Variants in DROSHA observed in about 807,000 individuals in gnomAD.
DROSHA encodes ribonuclease 3.
In DROSHA, 56 loss-of-function variants were observed where a neutral mutation model predicts 181.9. That is an observed-to-expected ratio of 0.31 (90% CI 0.25 to 0.38). The LOEUF is 0.38. DROSHA is among the 10% of genes least tolerant of loss of function. The pLI is 1.00. For missense variants in DROSHA, 1,218 were observed against 1,743.5 expected (o/e 0.70, Z 5.37); for synonymous variants, 524 against 591.2 (o/e 0.89, Z 1.65).
At position 31,424,411 on chromosome 5, in the gene DROSHA, G is replaced by C. The variant is rs927967183; in HGVS notation, c.3261+16C>G. 6.3e-7 allele frequency: 1 copy of C among 1,595,688 alleles called. No individual in the cohort carries two copies. The highest frequency in any genetic ancestry group is 8.5e-7 in the Non-Finnish European group (1 of 1,170,962). On this transcript the variant is annotated intron_variant, in intron 28 of 35. Transcript: ENST00000344624. ...GGAGTTATAAAGCTCACTGCAGACA[G>C]GGAGGTCATACTTACTTGGAGTGGG...
At chr5:31,422,108 A>G (rs1345935778) in intron 29 of DROSHA, among the ~76,000 whole-genome samples, 1 of 150,822 alleles carries the variant, frequency 6.6e-6, no homozygotes, top group Admixed American at 6.6e-5. Flanking sequence ...AAAGAAAGAA[A>G]GAAAGAAAAA....
intron 15 of DROSHA, among the ~76,000 whole-genome samples, chr5:31,484,491 G>A (rs114526783): frequency 7.5e-4 from 10 of 13,254 alleles, no homozygotes; most frequent in Non-Finnish European, 2.0e-3. Context: ...CACTCTAAGT[G>A]TCTGCGTGTG....
chr5:31,510,025 G>C (rs1165351802), intron 9 of DROSHA, among the ~76,000 whole-genome samples: 2 of 127,190 alleles, frequency 1.6e-5, no homozygotes, highest in African/African-American at 3.0e-5. Context: ...GGTAAATTTT[G>C]TATTACTTAT....
At chr5:31,407,059 C>A in intron 33 of DROSHA, 114 bp from the exon 34 acceptor site, 1 of 706,988 alleles carries the variant, frequency 1.4e-6, no homozygotes, top group Non-Finnish European at 2.1e-6. Flanking sequence ...AGTAAAATAA[C>A]AGGAAATGTG....
intron 21 of DROSHA, among the ~76,000 whole-genome samples, chr5:31,451,138 G>A (rs1746967621): frequency 6.6e-6 from 1 of 152,080 alleles, no homozygotes; most frequent in Non-Finnish European, 1.5e-5. Context: ...GGAGGCGGAG[G>A]TTGCAGTGGG....
chr5:31,435,678 G>A (rs1328557632), intron 25 of DROSHA, 87 bp downstream of exon 25: 6 of 1,181,432 alleles, frequency 5.1e-6, no homozygotes, highest in East Asian at 2.4e-5. Context: ...ATATCCTAAC[G>A]AGTTACTTAT....
chr5:31,484,927 C>T lies in DROSHA; in HGVS notation c.1950G>A (p.Leu650=), dbSNP rs774325326. The part of the protein sequence containing the change: ...FCVKGLELFS[L]FLFRDILELY... ...ATTCCAAAATATCTCTGAATAGGAACAGTGAAAAGAGTTCAAGCCCTTTCA... is the reference window on the plus strand; with the variant it reads ...ATTCCAAAATATCTCTGAATAGGAATAGTGAAAAGAGTTCAAGCCCTTTCA... Residue 650 remains leucine (L), a synonymous_variant, in exon 15 of 36, where the codon CTG becomes CTA. Transcript: ENST00000344624. 1.3e-6 allele frequency: 2 copies of T among 1,546,950 alleles called. No homozygotes were observed. Among genetic ancestry groups the T allele is most frequent in the African/African-American group, 1.4e-5 (1 of 72,842 alleles).
At chr5:31,429,688 G>A in intron 26 of DROSHA, 143 bp from the exon 27 acceptor site, 2 of 610,732 alleles carry the variant, frequency 3.3e-6, no homozygotes, top group Non-Finnish European at 5.7e-6. Flanking sequence ...TTGTCTTAAA[G>A]GTGACATTTC....
At chr5:31,418,218 GGT>G (rs746849120) in intron 30 of DROSHA, among the ~76,000 whole-genome samples, 7,015 of 148,890 alleles carry the variant, frequency 0.047, 518 homozygotes, top group African/African-American at 0.16. Flanking sequence ...ATGTGTGTGT[GGT>G]GTGTGTGTGT....
chr5:31,406,975 T>C (rs754223634), intron 33 of DROSHA, 30 bp from the exon 34 acceptor site: 13 of 1,592,300 alleles, frequency 8.2e-6, no homozygotes, highest in Middle Eastern at 1.7e-4. Flanking sequence ...ACATTTATTA[T>C]GGTAAAGTGT....
chr5:31,500,460 C>A (rs1471163986), intron 11 of DROSHA, among the ~76,000 whole-genome samples: 26 of 152,230 alleles, frequency 1.7e-4, no homozygotes, highest in Non-Finnish European at 1.5e-5. Flanking sequence ...CATGAAGAAG[C>A]AACGGCCCAC....
At chr5:31,451,489 T>C in intron 21 of DROSHA, 44 bp downstream of exon 21, 1 of 1,481,542 alleles carries the variant, frequency 6.7e-7, no homozygotes, top group Non-Finnish European at 9.3e-7. Flanking sequence ...GATGAATTAC[T>C]CCTATCTTGT....
At chr5:31,448,690 T>C (rs1746592515) in intron 22 of DROSHA, 83 bp from the exon 23 acceptor site, 2 of 1,022,172 alleles carry the variant, frequency 2.0e-6, no homozygotes, top group East Asian at 2.5e-5. Context: ...AAAAAAATTA[T>C]CTCATCTCAA....
chr5:31,484,039 C>T (rs1322441798), intron 15 of DROSHA, among the ~76,000 whole-genome samples: 1 of 152,102 alleles, frequency 6.6e-6, no homozygotes, highest in Non-Finnish European at 1.5e-5. Flanking sequence ...GTTTGAAAAG[C>T]CATTCACCAA....
chr5:31,498,369 A>G (rs184942733), intron 11 of DROSHA, among the ~76,000 whole-genome samples: 4 of 152,328 alleles, frequency 2.6e-5, no homozygotes, highest in Admixed American at 2.6e-4. Flanking sequence ...AAATAACACA[A>G]TAACTGACCT....
At position 31,497,020 on chromosome 5, in the gene DROSHA, C is replaced by T. The variant is rs116034060; in HGVS notation, c.1669-1648G>A. On this transcript the variant is annotated intron_variant, in intron 11 of 35. Transcript: ENST00000344624. ...ATGACCCAGGTGGTGACTGGTAATG[C>T]CTGTAGTGCAACCAATGGTAACCCC... Among the ~76,000 whole-genome samples, 1,397 of 152,282 alleles carry T rather than the reference C, an allele frequency of 9.2e-3. 26 individuals carry two copies. Among genetic ancestry groups the T allele is most frequent in the African/African-American group, 0.03 (1,259 of 41,544 alleles).
intron 6 of DROSHA, among the ~76,000 whole-genome samples, chr5:31,515,870 TAAAG>T (rs931223874): frequency 1.8e-4 from 28 of 152,156 alleles, no homozygotes; most frequent in Admixed American, 3.3e-4. Flanking sequence ...ACTCAGTCAA[TAAAG>T]AAAGATGAAA....
intron 10 of DROSHA, among the ~76,000 whole-genome samples, chr5:31,507,216 T>G (rs1402471505): frequency 6.6e-6 from 1 of 152,068 alleles, no homozygotes; most frequent in Non-Finnish European, 1.5e-5. Flanking sequence ...ATCCCAGCAC[T>G]TTGGAAGGCT....
rs866809038 is a variant in DROSHA, at chr5:31,475,115, C to A, written c.2072-2883G>T. Among the ~76,000 whole-genome samples, 65 of 152,198 alleles carry A rather than the reference C, an allele frequency of 4.3e-4. 1 individual carries two copies. In the South Asian group the frequency reaches 0.013, roughly 31 times the overall value. On this transcript the variant is annotated intron_variant, in intron 16 of 35. Coordinates refer to ENST00000344624, the MANE Select transcript of DROSHA (RefSeq NM_001382508.1). Reference sequence around the variant, plus strand: ...AGCAGACTGCTTGAGCTCAGGAGTTCAAGGCTAGCCTGGGCAGCATGGCAA... The same window carrying A: ...AGCAGACTGCTTGAGCTCAGGAGTTAAAGGCTAGCCTGGGCAGCATGGCAA...
Sources: gnomAD v4.1 joint callset for allele counts (sites outside exome capture counted in the v4.1 genomes callset) on GRCh38, gnomAD v4.1.1 for gene constraint, MANE v1.5 for transcripts, NCBI Gene and HGNC (gene_info 2026-07-23, HGNC 2026-07-21) for gene names.